The following GRIA2 variants were observed in gnomAD, a reference collection of about 807,000 sequenced individuals.
The protein encoded by GRIA2 is glutamate receptor 2.
A neutral mutation model predicts 97.3 loss-of-function variants in GRIA2; 14 were observed. The ratio of observed to expected loss-of-function variants is 0.14; its 90% CI spans 0.10 to 0.23. GRIA2 has a LOEUF of 0.23. GRIA2 is among the 10% of genes least tolerant of loss of function. GRIA2 has a pLI of 1.00. For missense variants in GRIA2, 558 were observed against 1,069.8 expected (o/e 0.52, Z 6.67); for synonymous variants, 412 against 387.8 (o/e 1.06, Z -0.73).
At chr4:157,253,017 T>A (rs1194806990) in intron 2 of GRIA2, among the ~76,000 whole-genome samples, 1 of 152,084 alleles carries the variant, frequency 6.6e-6, no homozygotes, top group African/African-American at 2.4e-5. Context: ...GGGGGGACCA[T>A]GTAGTTATTT....
At chr4:157,275,651 T>C (rs1172455457) in intron 2 of GRIA2, among the ~76,000 whole-genome samples, 1 of 152,196 alleles carries the variant, frequency 6.6e-6, no homozygotes, top group South Asian at 2.1e-4. Flanking sequence ...CTTGTTTTTG[T>C]CAGGCTTGTC....
chr4:157,259,765 A>T (rs1237000528), intron 2 of GRIA2, among the ~76,000 whole-genome samples: 2 of 152,122 alleles, frequency 1.3e-5, no homozygotes, highest in Non-Finnish European at 2.9e-5. Context: ...TTGCATTTCC[A>T]ATTGTCACTT....
At chr4:157,245,864 C>T (rs935095081) in intron 2 of GRIA2, among the ~76,000 whole-genome samples, 2 of 152,104 alleles carry the variant, frequency 1.3e-5, no homozygotes, top group African/African-American at 4.8e-5. Context: ...CATGGCAGAA[C>T]TTCGTATACT....
intron 3 of GRIA2, among the ~76,000 whole-genome samples, chr4:157,309,103 C>A (rs541684762): frequency 5.9e-4 from 90 of 152,202 alleles, no homozygotes; most frequent in Admixed American, 1.8e-3. Context: ...TGAATTACTT[C>A]TGCCTGTTGT....
At chr4:157,253,060 G>A (rs993521983) in intron 2 of GRIA2, among the ~76,000 whole-genome samples, 26 of 151,330 alleles carry the variant, frequency 1.7e-4, no homozygotes, top group African/African-American at 5.8e-4. Flanking sequence ...TAAAATTGTG[G>A]TGTTTATTAC....
At chr4:157,285,734 T>C (rs1289233175) in intron 2 of GRIA2, among the ~76,000 whole-genome samples, 1 of 151,708 alleles carries the variant, frequency 6.6e-6, no homozygotes, top group East Asian at 1.9e-4. Flanking sequence ...ACTGGTGTAA[T>C]AGTTGAAAGT....
intron 2 of GRIA2, among the ~76,000 whole-genome samples, chr4:157,240,798 C>T (rs1033239556): frequency 1.1e-4 from 17 of 151,520 alleles, no homozygotes; most frequent in Admixed American, 7.2e-4. Context: ...CATGCTGGTG[C>T]GCCGCACCCA....
chr4:157,339,408 A>G (rs1735450466), intron 11 of GRIA2, among the ~76,000 whole-genome samples: 1 of 151,996 alleles, frequency 6.6e-6, no homozygotes, highest in Non-Finnish European at 1.5e-5. Context: ...TTCTCTGCAT[A>G]ATTTCTCAGG....
At position 157,318,442 on chromosome 4, in the gene GRIA2, C is replaced by A. The variant is rs186470850; in HGVS notation, c.720+731C>A. On this transcript the variant is annotated intron_variant, in intron 5 of 15. Coordinates refer to ENST00000264426, the MANE Select transcript of GRIA2 (RefSeq NM_001083619.3). ...AAATTAAATTTCTGTAGCCAATCAT[C>A]TTTTTATTATGATTCCTGTCAAAAT... is the stretch of plus-strand genomic sequence containing the variant. 2.0e-3 allele frequency among the ~76,000 whole-genome samples: 310 copies of A among 152,198 alleles called. 1 individual carries two copies. The highest frequency in any genetic ancestry group is 7.1e-3 in the African/African-American group (296 of 41,530).
Position 157,332,888 on chromosome 4 carries a change from A to G in GRIA2, c.952A>G (p.Arg318Gly). The change falls in exon 7 of 16, where the codon AGA becomes GGA. Residue 318 changes from arginine to glycine, a missense_variant. Arg to Gly is a moderately radical substitution (Grantham distance 125). This residue lies in a region of GRIA2 where 173 missense variants were observed against 209.1 expected (regional missense o/e 0.83). Transcript: ENST00000264426. ...AGCCTTCCGCAACCTAAGGAAGCAA[A>G]GAATTGAAATCTCCCGAAGGGGGAA... The part of the protein sequence containing the change: ...TEAFRNLRKQ[R>G]IEISRRGNAG... The G allele has an allele frequency of 6.2e-7, 1 of 1,612,714 alleles. No homozygotes were observed. Among genetic ancestry groups the G allele is most frequent in the South Asian group, 1.1e-5 (1 of 91,046 alleles).
intron 9 of GRIA2, chr4:157,335,256 A>G (rs1268448948): frequency 1.5e-5 from 3 of 203,862 alleles, no homozygotes; most frequent in East Asian, 1.2e-4. Flanking sequence ...GACAGCAGTG[A>G]CACAGGGTTT....
intron 2 of GRIA2, among the ~76,000 whole-genome samples, chr4:157,247,668 T>A (rs1370593012): frequency 6.6e-6 from 1 of 152,058 alleles, no homozygotes; most frequent in Non-Finnish European, 1.5e-5. Context: ...GCAGTACACT[T>A]CGACTTTTTG....
intron 3 of GRIA2, among the ~76,000 whole-genome samples, chr4:157,310,723 T>C (rs1197181538): frequency 6.6e-6 from 1 of 152,074 alleles, no homozygotes; most frequent in Non-Finnish European, 1.5e-5. Context: ...AAAAATGAGA[T>C]CCATATATCG....
chr4:157,267,647 G>T (rs546332737), intron 2 of GRIA2, among the ~76,000 whole-genome samples: 17 of 151,992 alleles, frequency 1.1e-4, no homozygotes, highest in Admixed American at 2.0e-4. Context: ...TTGTTTGTTT[G>T]TTTTTTCTTG....
intron 2 of GRIA2, chr4:157,249,914 A>T (rs967094913): frequency 6.6e-6 from 1 of 152,154 alleles, no homozygotes; most frequent in Non-Finnish European, 1.5e-5. Context: ...TGAGTCTTGC[A>T]ATCAAACGAT....
chr4:157,336,025 G>A, intron 10 of GRIA2, 148 bp downstream of exon 10: 1 of 670,488 alleles, frequency 1.5e-6, no homozygotes, highest in Non-Finnish European at 2.7e-6. Context: ...GTGAACATCT[G>A]AAAGATTAAG....
At chr4:157,337,204 G>T (rs1312535232) in intron 11 of GRIA2, among the ~76,000 whole-genome samples, 1 of 151,960 alleles carries the variant, frequency 6.6e-6, no homozygotes, top group Non-Finnish European at 1.5e-5. Flanking sequence ...CATGGAAATG[G>T]TATGGGAGAG....
intron 1 of GRIA2, 30 bp from the exon 2 acceptor site, chr4:157,221,637 G>A (rs1189322979): frequency 6.2e-7 from 1 of 1,612,166 alleles, no homozygotes; most frequent in South Asian, 1.1e-5. Flanking sequence ...CACTGACACT[G>A]TTCTCTTGCT....
chr4:157,249,523 G>A (rs770028422), intron 2 of GRIA2: 4 of 152,086 alleles, frequency 2.6e-5, no homozygotes, highest in Admixed American at 6.6e-5. Flanking sequence ...AGGTGATTTA[G>A]TCAAAGGTGA....
Sources: allele counts gnomAD v4.1 joint callset (sites outside exome capture counted in the v4.1 genomes callset), GRCh38; gene constraint gnomAD v4.1.1; regional missense constraint gnomAD v4.1.1; transcripts MANE v1.5; gene names NCBI Gene and HGNC (gene_info 2026-07-23, HGNC 2026-07-21).